ZFYVE26: variants seen among roughly 807,000 people sequenced by gnomAD.
ZFYVE26 encodes the protein zinc finger FYVE-type containing 26, also known as zinc finger FYVE domain-containing protein 26.
A neutral mutation model predicts 276.5 loss-of-function variants in ZFYVE26; 181 were observed. The observed-to-expected ratio is 0.65, with a 90% confidence interval of 0.58 to 0.74. ZFYVE26 has a LOEUF of 0.74. Among genes scored for constraint, ZFYVE26 ranks in the 30% least tolerant of loss-of-function variants. The pLI is 0.00. For missense variants in ZFYVE26, 2,821 were observed against 3,097.9 expected (o/e 0.91, Z 2.12); for synonymous variants, 1,129 against 1,203.1 (o/e 0.94, Z 1.27).
chr14:67,747,097 T>C lies in ZFYVE26; in HGVS notation c.*1339A>G, dbSNP rs978616901. 2.0e-5 allele frequency: 3 copies of C among 152,662 alleles called. No homozygotes were observed. Among genetic ancestry groups the C allele is most frequent in the African/African-American group, 4.8e-5 (2 of 41,464 alleles). 9.5% of individuals were successfully genotyped at this position (152,662 alleles called of 1,614,324 possible). ...AGCATCATGGATGGGACCAATAGGC[T>C]GAGCTCTGGCCAGTGAGAGGTTCAG... On this transcript the variant is annotated 3_prime_UTR_variant, in exon 42 of 42. Transcript: ENST00000347230.
At chr14:67,757,719 C>A (rs1383799005) in intron 35 of ZFYVE26, among the ~76,000 whole-genome samples, 1 of 144,044 alleles carries the variant, frequency 6.9e-6, no homozygotes, top group Admixed American at 7.0e-5. Context: ...CTCTTTCTTT[C>A]TTTTTCTTTT....
At chr14:67,758,139 G>T (rs992585581) in intron 35 of ZFYVE26, among the ~76,000 whole-genome samples, 1 of 152,180 alleles carries the variant, frequency 6.6e-6, no homozygotes, top group African/African-American at 2.4e-5. Context: ...TGGCTATAAA[G>T]TCACAGTGGT....
chr14:67,798,959 T>TTTCGGTGGGAGGGGC (rs2040022660), intron 10 of ZFYVE26: 6 of 1,131,502 alleles, frequency 5.3e-6, no homozygotes, highest in Non-Finnish European at 6.7e-6. Context: ...CGCGCCGCGG[T>TTTCGGTGGGAGGGGC]TTCGGTGGGA....
chr14:67,735,602 A>G (rs1273325490), intron 13 of ZFYVE26, among the ~76,000 whole-genome samples: 1 of 152,124 alleles, frequency 6.6e-6, no homozygotes, highest in South Asian at 2.1e-4. Context: ...GTGCCCCTCA[A>G]CATACAGGAA....
intron 6 of ZFYVE26, among the ~76,000 whole-genome samples, chr14:67,806,206 C>A (rs1322916634): frequency 1.3e-5 from 2 of 152,196 alleles, no homozygotes; most frequent in African/African-American, 4.8e-5. Context: ...CAGTTGCAAT[C>A]TGGAAGGAAA....
chr14:67,774,014 T>C (rs2039279144), intron 27 of ZFYVE26, among the ~76,000 whole-genome samples: 1 of 152,150 alleles, frequency 6.6e-6, no homozygotes, highest in Non-Finnish European at 1.5e-5. Flanking sequence ...AGTATGAACT[T>C]GAGGGCTAAG....
At position 67,762,722 on chromosome 14, in the gene ZFYVE26, T is replaced by C; in HGVS notation, c.6109A>G (p.Arg2037Gly). 1 of 1,614,194 alleles carries C rather than the reference T, an allele frequency of 6.2e-7. No homozygotes were observed. The highest frequency in any genetic ancestry group is 8.5e-7 in the Non-Finnish European group (1 of 1,180,046). The change falls in exon 33 of 42, where the codon AGG becomes GGG. Residue 2037 changes from arginine (R) to glycine (G), a missense_variant. Coordinates refer to ENST00000347230, the MANE Select transcript of ZFYVE26 (RefSeq NM_015346.4). ...GCTTCCAAAAGCTGGTTCCTTAGCCTGGTTACTGCAGCTGGCTGCAAGATC... is the reference window on the plus strand; with the variant it reads ...GCTTCCAAAAGCTGGTTCCTTAGCCCGGTTACTGCAGCTGGCTGCAAGATC... Reference protein sequence around the residue: ...DQILQPAAVTRLRNQLLEAEY... With the variant: ...DQILQPAAVTGLRNQLLEAEY...
Position 67,766,213 on chromosome 14 carries a change from C to A in ZFYVE26, c.6011+14G>T, listed in dbSNP as rs1316005313. ...TGCTCCTGTGTAAAAGAATAGAGAC[C>A]CACTGCCCTCTACCTGTCACAAAGA... On this transcript the variant is annotated intron_variant, in intron 32 of 41. Coordinates refer to ENST00000347230, the MANE Select transcript of ZFYVE26 (RefSeq NM_015346.4). 1.9e-6 allele frequency: 3 copies of A among 1,613,158 alleles called. No homozygotes were observed. The highest frequency in any genetic ancestry group is 2.5e-6 in the Non-Finnish European group (3 of 1,179,502).
At chr14:67,775,257 T>C in intron 26 of ZFYVE26, 143 bp from the exon 27 acceptor site, 2 of 598,500 alleles carry the variant, frequency 3.3e-6, no homozygotes, top group Admixed American at 3.3e-5. Context: ...ATGGAGGAGG[T>C]ACCTCTAAGC....
intron 20 of ZFYVE26, among the ~76,000 whole-genome samples, chr14:67,783,892 T>A (rs1206287089): frequency 1.3e-5 from 2 of 152,262 alleles, no homozygotes; most frequent in East Asian, 3.8e-4. Context: ...AAATCATTTA[T>A]GTATAATAAA....
Position 67,781,344 on chromosome 14 carries a change from C to T in ZFYVE26, c.4558G>A (p.Val1520Met). Residue 1520 changes from valine to methionine, a missense_variant, in exon 22 of 42, where the codon GTG becomes ATG. Physicochemically the swap from Val to Met is conservative, Grantham distance 21 (BLOSUM62 1). Coordinates refer to ENST00000347230, the MANE Select transcript of ZFYVE26 (RefSeq NM_015346.4). ...GCGAGGGCCCATACCTTCTGATACA[C>T]CTGCAGCTCCGCCAGCTTCCTCTGT... The part of the protein sequence containing the change: ...ELQRKLAELQ[V>M]YQKILGLQSP... The T allele has an allele frequency of 1.2e-6, 2 of 1,614,166 alleles. No individual in the cohort carries two copies. The highest frequency in any genetic ancestry group is 2.2e-5 in the East Asian group (1 of 44,880).
intron 25 of ZFYVE26, among the ~76,000 whole-genome samples, chr14:67,776,508 C>T (rs542056712): frequency 2.4e-4 from 36 of 152,334 alleles, no homozygotes; most frequent in African/African-American, 7.9e-4. Flanking sequence ...ATTTGGCCCA[C>T]AGGTGGTAGC....
Position 67,798,333 on chromosome 14 carries a change from A to G in ZFYVE26, c.1929T>C (p.Tyr643=). The G allele has an allele frequency of 6.2e-7, 1 of 1,613,162 alleles. No individual in the cohort carries two copies. The highest frequency in any genetic ancestry group is 8.5e-7 in the Non-Finnish European group (1 of 1,179,508). ...GSLGVPKTLA[Y]TMPSHVKAEP... ...CTGCCTTCACATGGCTTGGCATTGT[A>G]TAAGCAAGGGTCTTTGGGACTCCCA... The change falls in exon 11 of 42, where the codon TAT becomes TAC. Residue 643 remains tyrosine (Y), a synonymous_variant. Transcript: ENST00000347230.
chr14:67,753,347 A>C (rs1566862219), intron 39 of ZFYVE26, among the ~76,000 whole-genome samples: 1 of 152,218 alleles, frequency 6.6e-6, no homozygotes, highest in Non-Finnish European at 1.5e-5. Flanking sequence ...GTACAGACCA[A>C]GGATGGGGAA....
In ZFYVE26 at chr14:67,809,343, AAATTAT is replaced by A. The variant is rs1391093864; in HGVS notation, c.274-60_274-55del. 9.2e-6 allele frequency: 12 copies of A among 1,308,716 alleles called. No homozygotes were observed. In the African/African-American group the frequency reaches 1.8e-4, roughly 19 times the overall value. The allele number at this position is 1,308,716 out of a possible 1,614,324, so 81.1% of individuals were successfully genotyped here. A position where few individuals can be genotyped will look rare whatever the true frequency, so the allele number is the denominator to read the frequency against. On this transcript the variant is annotated intron_variant, in intron 3 of 41. Coordinates refer to ENST00000347230, the MANE Select transcript of ZFYVE26 (RefSeq NM_015346.4). The stretch of plus-strand genomic sequence containing the variant: ...AGATGAGATATATGTTTTAGTTAAC[AAATTAT>A]AATTAAATATTTCTGTCCAGTTAGT...
At chr14:67,805,410 G>T in intron 7 of ZFYVE26, 44 bp downstream of exon 7, 4 of 1,613,882 alleles carry the variant, frequency 2.5e-6, no homozygotes, top group Non-Finnish European at 3.4e-6. Context: ...GAAGCCCCAC[G>T]TCTCTCACTT....
chr14:67,748,366 G>A lies in ZFYVE26; in HGVS notation c.*70C>T. ...AGTCCCACTCCACTGGAGGAAAGAGGTGGAGGGCATCGCCATCACTGCTGT... is the reference window on the plus strand; with the variant it reads ...AGTCCCACTCCACTGGAGGAAAGAGATGGAGGGCATCGCCATCACTGCTGT... On this transcript the variant is annotated 3_prime_UTR_variant, in exon 42 of 42. Coordinates refer to ENST00000347230, the MANE Select transcript of ZFYVE26 (RefSeq NM_015346.4). The A allele has an allele frequency of 1.3e-6, 2 of 1,532,998 alleles. No homozygotes were observed. Among genetic ancestry groups the A allele is most frequent in the Admixed American group, 3.5e-5 (2 of 57,524 alleles). 95.0% of individuals were successfully genotyped at this position (1,532,998 alleles called of 1,614,324 possible).
At chr14:67,788,401 C>T (rs1336795284) in intron 16 of ZFYVE26, among the ~76,000 whole-genome samples, 1 of 152,088 alleles carries the variant, frequency 6.6e-6, no homozygotes, top group Non-Finnish European at 1.5e-5. Flanking sequence ...ATCTCAAAAA[C>T]ACAAACAAAC....
rs1566880361 is a variant in ZFYVE26 at position 67,780,322 on chromosome 14, TG to T, written c.4592del (p.Pro1531GlnfsTer9). 1 of 1,613,636 alleles carries T rather than the reference TG, an allele frequency of 6.2e-7. No homozygotes were observed. The highest frequency in any genetic ancestry group is 8.5e-7 in the Non-Finnish European group (1 of 1,179,864). ...TCAAGGTCTGCCAGTCACACCACACTGGGGGAGACTGCAAACCCAGAATCTA... is the reference window on the plus strand; with the variant it reads ...TCAAGGTCTGCCAGTCACACCACACTGGGGAGACTGCAAACCCAGAATCTA... ...YQKILGLQSP[P>X]VWCDWQTLRS... On this transcript the variant is annotated frameshift_variant, in exon 23 of 42. Coordinates refer to ENST00000347230, the MANE Select transcript of ZFYVE26 (RefSeq NM_015346.4). LOFTEE classifies it high-confidence loss of function.
Sources: gnomAD v4.1 joint callset for allele counts (sites outside exome capture counted in the v4.1 genomes callset) on GRCh38, gnomAD v4.1.1 for gene constraint, MANE v1.5 for transcripts, NCBI Gene and HGNC (gene_info 2026-07-23, HGNC 2026-07-21) for gene names.